Variants in PARP14 observed in about 807,000 individuals in gnomAD.
PARP14 encodes poly(ADP-ribose) polymerase family member 14.
In PARP14, 59 loss-of-function variants were observed where a neutral mutation model predicts 154.2. The ratio of observed to expected loss-of-function variants is 0.38; its 90% CI spans 0.31 to 0.48. The LOEUF is 0.48. PARP14 is among the 20% of genes least tolerant of loss of function. PARP14 has a pLI of 0.98. For synonymous variants in PARP14, 720 were observed against 780.5 expected (o/e 0.92, Z 1.29); for missense variants, 1,734 against 2,131.6 (o/e 0.81, Z 3.67).
intron 2 of PARP14, 192 bp from the exon 3 acceptor site, chr3:122,686,888 T>C (rs1049489882): frequency 1.5e-5 from 8 of 525,718 alleles, no homozygotes; most frequent in African/African-American, 1.2e-4. Flanking sequence ...CTCATCTTCA[T>C]TGGTGATTTT....
At chr3:122,688,326 C>A (rs770847284) in intron 3 of PARP14, among the ~76,000 whole-genome samples, 7 of 152,152 alleles carry the variant, frequency 4.6e-5, no homozygotes, top group Non-Finnish European at 8.8e-5. Context: ...TTTCTTATGA[C>A]TTCATAGATT....
chr3:122,700,043 A>T lies in PARP14; in HGVS notation c.1489A>T (p.Ile497Leu). ...LDHLLTECPE[I>L]EICYDRVTQH... ...CCATTTACTCACGGAGTGCCCAGAG[A>T]TAGAGATTTGTTACGATAGAGTCAC... The change falls in exon 6 of 17, where the codon ATA (isoleucine) becomes TTA (leucine). Residue 497 changes from isoleucine to leucine, a missense_variant. Ile to Leu is a conservative substitution (Grantham distance 5). This residue lies in a region of PARP14 where 1,646 missense variants were observed against 1,976.0 expected (regional missense o/e 0.83). Transcript: ENST00000474629. 1 of 1,613,982 alleles carries T rather than the reference A, an allele frequency of 6.2e-7. No individual in the cohort carries two copies. The highest frequency in any genetic ancestry group is 8.5e-7 in the Non-Finnish European group (1 of 1,179,866).
chr3:122,708,664 G>A (rs888079353), intron 9 of PARP14, among the ~76,000 whole-genome samples: 1 of 152,144 alleles, frequency 6.6e-6, no homozygotes, highest in Admixed American at 6.5e-5. Flanking sequence ...ATATAAAAAT[G>A]TATGTCTTTC....
At chr3:122,706,831 A>T (rs1202712623) in intron 8 of PARP14, among the ~76,000 whole-genome samples, 1 of 151,772 alleles carries the variant, frequency 6.6e-6, no homozygotes, top group Non-Finnish European at 1.5e-5. Context: ...AAAAAAAAAA[A>T]TGAAATTCAC....
In PARP14 at chr3:122,713,874, G is replaced by T. The variant is rs1932921885; in HGVS notation, c.3772G>T (p.Val1258Phe). 1 of 1,604,592 alleles carries T rather than the reference G, an allele frequency of 6.2e-7. No individual in the cohort carries two copies. The highest frequency in any genetic ancestry group is 8.5e-7 in the Non-Finnish European group (1 of 1,171,532). Residue 1258 changes from valine (V) to phenylalanine (F), a missense_variant and splice_region_variant, in exon 11 of 17, where the codon GTC becomes TTC. By Grantham distance (50) the Val-to-Phe change is conservative. Coordinates refer to ENST00000474629, the MANE Select transcript of PARP14 (RefSeq NM_017554.3). ...ATCATCTTGATTTTCTCATGTAGGG[G>T]TCTCCAAAGCAATTTTAGAATGTGC... ...TSNSFNLKAG[V>F]SKAILECAGQ...
At chr3:122,687,762 A>C (rs1166330695) in intron 3 of PARP14, among the ~76,000 whole-genome samples, 1 of 152,210 alleles carries the variant, frequency 6.6e-6, no homozygotes, top group African/African-American at 2.4e-5. Flanking sequence ...TTTCATAGCT[A>C]AGCATGCTAT....
chr3:122,720,149 CTT>C (rs764919861), intron 14 of PARP14, 104 bp from the exon 15 acceptor site: 59 of 1,141,288 alleles, frequency 5.2e-5, no homozygotes, highest in Non-Finnish European at 6.6e-5. Flanking sequence ...ATAAGGAACT[CTT>C]TGAATGCTTA....
intron 9 of PARP14, among the ~76,000 whole-genome samples, chr3:122,713,170 G>C (rs894479246): frequency 1.1e-4 from 16 of 152,212 alleles, no homozygotes; most frequent in African/African-American, 3.9e-4. Flanking sequence ...TAATCAACGG[G>C]AGAGATAGGC....
At chr3:122,702,988 T>C (rs1406651894) in intron 6 of PARP14, among the ~76,000 whole-genome samples, 1 of 105,798 alleles carries the variant, frequency 9.5e-6, no homozygotes, top group Non-Finnish European at 1.7e-5. Context: ...CAAGACCCTC[T>C]CTCTTAAAAA....
chr3:122,693,117 G>A (rs757457175), intron 4 of PARP14, among the ~76,000 whole-genome samples: 2 of 152,072 alleles, frequency 1.3e-5, no homozygotes, highest in Non-Finnish European at 2.9e-5. Context: ...TGGATGAACT[G>A]GGTTTGAACC....
rs758348309 is a variant in PARP14, at chr3:122,714,302, A to C, written c.3873A>C (p.Gly1291=). ...ATGATTATATAATCACCGGAGGTGG[A>C]TTTTTGAGGTGCAAGAATATCATTC... is the stretch of plus-strand genomic sequence containing the variant. ...RKNDYIITGG[G]FLRCKNIIHV... is the part of the protein sequence containing the mutation. Residue 1291 remains glycine, a synonymous_variant, in exon 12 of 17, where the codon GGA becomes GGC. Coordinates refer to ENST00000474629, the MANE Select transcript of PARP14 (RefSeq NM_017554.3). The C allele has an allele frequency of 1.3e-6, 2 of 1,598,696 alleles. No homozygotes were observed. The highest frequency in any genetic ancestry group is 3.6e-5 in the Admixed American group (2 of 55,354).
Position 122,692,283 on chromosome 3 carries a change from T to C in PARP14, c.356-18T>C, listed in dbSNP as rs754804167. 9 of 1,603,660 alleles carry C rather than the reference T, an allele frequency of 5.6e-6. No homozygotes were observed. In the Admixed American group the frequency reaches 8.4e-5, roughly 15 times the overall value. ...ATAAGTATAACATCTTGTACCTCTT[T>C]TGTCTTCCTAAAATCAGATGTGTCA... On this transcript the variant is annotated intron_variant, in intron 3 of 16. Transcript: ENST00000474629.
At chr3:122,714,938 A>G (rs777267514) in intron 12 of PARP14, among the ~76,000 whole-genome samples, 2 of 152,174 alleles carry the variant, frequency 1.3e-5, no homozygotes, top group Non-Finnish European at 2.9e-5. Context: ...TTCTGTGTAG[A>G]AGCTTCTCAG....
rs1938904207 is a variant in PARP14 at position 122,700,039 on chromosome 3, A to G, written c.1485A>G (p.Pro495=). ...TGGACCATTTACTCACGGAGTGCCC[A>G]GAGATAGAGATTTGTTACGATAGAG... ...SLLDHLLTEC[P]EIEICYDRVT... The change falls in exon 6 of 17, where the codon CCA becomes CCG. Residue 495 remains proline, a synonymous_variant. Transcript: ENST00000474629. The G allele has an allele frequency of 1.9e-6, 3 of 1,613,848 alleles. No individual in the cohort carries two copies. Among genetic ancestry groups the G allele is most frequent in the Admixed American group, 3.3e-5 (2 of 60,002 alleles).
Position 122,714,293 on chromosome 3 carries a change from C to A in PARP14, c.3864C>A (p.Thr1288=), listed in dbSNP as rs777759583. 6.3e-7 allele frequency: 1 copy of A among 1,597,240 alleles called. No individual in the cohort carries two copies. Among genetic ancestry groups the A allele is most frequent in the Non-Finnish European group, 8.5e-7 (1 of 1,175,268 alleles). Residue 1288 remains threonine, a synonymous_variant, in exon 12 of 17, where the codon ACC becomes ACA. Coordinates refer to ENST00000474629, the MANE Select transcript of PARP14 (RefSeq NM_017554.3). ...AGCGCAAAAATGATTATATAATCAC[C>A]GGAGGTGGATTTTTGAGGTGCAAGA... is the stretch of plus-strand genomic sequence containing the variant. ...AQQRKNDYII[T]GGGFLRCKNI...
At chr3:122,719,285 T>C (rs573270132) in intron 14 of PARP14, among the ~76,000 whole-genome samples, 7 of 152,192 alleles carry the variant, frequency 4.6e-5, no homozygotes, top group East Asian at 1.9e-4. Context: ...AGGAAAACCA[T>C]AGGCTTAAAG....
At chr3:122,687,354 T>G (rs1273092793) in intron 3 of PARP14, among the ~76,000 whole-genome samples, 9 of 152,124 alleles carry the variant, frequency 5.9e-5, no homozygotes, top group Non-Finnish European at 1.3e-4. Context: ...CACCTTGCAA[T>G]AGAGGGGAGG....
At chr3:122,704,081 T>A in intron 7 of PARP14, 103 bp downstream of exon 7, 1 of 749,400 alleles carries the variant, frequency 1.3e-6, no homozygotes. Context: ...CTGTTTCTCT[T>A]CCATAATAAT....
Position 122,699,941 on chromosome 3 carries a change from GA to G in PARP14, c.1389del (p.Glu464SerfsTer4). On this transcript the variant is annotated frameshift_variant, in exon 6 of 17. Transcript: ENST00000474629. LOFTEE classifies it high-confidence loss of function. Reference protein sequence around the residue: ...IESTTQKIKREEQSLKEKMII... With the variant: ...IESTTQKIKRXEQSLKEKMII... Reference sequence around the variant, plus strand: ...AAGCACTACTCAAAAAATTAAAAGGGAAGAGCAAAGTTTGAAGGAAAAAATG... The same window carrying G: ...AAGCACTACTCAAAAAATTAAAAGGGAGAGCAAAGTTTGAAGGAAAAAATG... 1 of 1,613,920 alleles carries G rather than the reference GA, an allele frequency of 6.2e-7. No homozygotes were observed. The highest frequency in any genetic ancestry group is 8.5e-7 in the Non-Finnish European group (1 of 1,179,842).
Sources: allele counts gnomAD v4.1 joint callset (sites outside exome capture counted in the v4.1 genomes callset), GRCh38; gene constraint gnomAD v4.1.1; regional missense constraint gnomAD v4.1.1; transcripts MANE v1.5; gene names NCBI Gene and HGNC (gene_info 2026-07-23, HGNC 2026-07-21).